Variants in PKHD1 observed in about 807,000 individuals in gnomAD.
PKHD1 encodes the protein fibrocystin.
In PKHD1, 291 loss-of-function variants were observed where a neutral mutation model predicts 412.0. The observed-to-expected ratio is 0.71, with a 90% CI of 0.64 to 0.78. PKHD1 has a LOEUF of 0.78. PKHD1 is among the 30% of genes least tolerant of loss of function. The pLI, the probability that PKHD1 is intolerant of heterozygous loss-of-function variation, is 0.00. For missense variants in PKHD1, 4,825 were observed against 4,950.7 expected (o/e 0.97, Z 0.76); for synonymous variants, 1,777 against 1,821.5 (o/e 0.98, Z 0.62).
intron 24 of PKHD1, 132 bp downstream of exon 24, chr6:52,045,872 A>C (rs1805720551): frequency 4.2e-6 from 3 of 706,466 alleles, no homozygotes; most frequent in Non-Finnish European, 7.4e-6. Flanking sequence ...AGTTCATAGA[A>C]TCCCTTTACT....
chr6:51,737,097 T>G (rs867553475), intron 60 of PKHD1, among the ~76,000 whole-genome samples: 2 of 152,198 alleles, frequency 1.3e-5, no homozygotes, highest in South Asian at 4.1e-4. Flanking sequence ...GTTTATAACT[T>G]TCTTTCTTGA....
chr6:51,974,638 T>C lies in PKHD1; in HGVS notation c.5752-14612A>G, dbSNP rs994699222. ...CAAACATTGTATGTTCTCACTCATA[T>C]GTAGGAGCTAAGCTGTGAGGACTCA... is the stretch of plus-strand genomic sequence containing the variant. On this transcript the variant is annotated intron_variant, in intron 35 of 66. Coordinates refer to ENST00000371117, the MANE Select transcript of PKHD1 (RefSeq NM_138694.4). Among the ~76,000 whole-genome samples the C allele has an allele frequency of 2.0e-5, 3 of 152,290 alleles. No homozygotes were observed. The East Asian group carries it at 5.8e-4, about 29-fold the overall frequency.
chr6:51,690,601 C>G (rs1161572964), intron 60 of PKHD1, among the ~76,000 whole-genome samples: 1 of 152,148 alleles, frequency 6.6e-6, no homozygotes. Context: ...TCTGGGAGAA[C>G]TGGCTAGCAA....
intron 43 of PKHD1, among the ~76,000 whole-genome samples, chr6:51,898,030 T>C (rs1780442424): frequency 6.7e-6 from 1 of 149,174 alleles, no homozygotes; most frequent in African/African-American, 2.4e-5. Flanking sequence ...CTGAGTGACC[T>C]ACAAAGAGAC....
At position 52,025,319 on chromosome 6, in the gene PKHD1, C is replaced by T. The variant is rs1801986162; in HGVS notation, c.4491G>A (p.Gly1497=). 3.1e-6 allele frequency: 5 copies of T among 1,613,936 alleles called. No homozygotes were observed. The highest frequency in any genetic ancestry group is 4.2e-6 in the Non-Finnish European group (5 of 1,180,012). The part of the protein sequence containing the change: ...VMDALSTNTS[G]SLTTVLIRGQ... ...CCCTAATCAGCACAGTGGTCAGAGA[C>T]CCACTGGTGTTTGTGGACAAGGCAT... The change falls in exon 32 of 67, where the codon GGG becomes GGA. Residue 1497 remains glycine (G), a synonymous_variant. Transcript: ENST00000371117.
intron 60 of PKHD1, among the ~76,000 whole-genome samples, chr6:51,703,938 A>C (rs1779726759): frequency 6.6e-6 from 1 of 152,040 alleles, no homozygotes; most frequent in South Asian, 2.1e-4. Context: ...CAGACCATTC[A>C]CATTTCTGCT....
intron 60 of PKHD1, among the ~76,000 whole-genome samples, chr6:51,662,238 T>C (rs1337165802): frequency 1.3e-5 from 2 of 151,816 alleles, no homozygotes; most frequent in Non-Finnish European, 2.9e-5. Context: ...CTTAAGAATT[T>C]TGAAAAAAGA....
chr6:51,865,623 A>ATCAG (rs1774944416), intron 48 of PKHD1, among the ~76,000 whole-genome samples: 1 of 152,138 alleles, frequency 6.6e-6, no homozygotes, highest in Non-Finnish European at 1.5e-5. Context: ...CCTCTTACTG[A>ATCAG]GGGAGGGAGT....
chr6:51,692,090 T>C (rs1275980609), intron 60 of PKHD1, among the ~76,000 whole-genome samples: 1 of 152,114 alleles, frequency 6.6e-6, no homozygotes, highest in East Asian at 1.9e-4. Context: ...AACTCCTTTC[T>C]TCATCATTCA....
chr6:51,764,893 A>C (rs1788721098), intron 55 of PKHD1, among the ~76,000 whole-genome samples: 1 of 151,890 alleles, frequency 6.6e-6, no homozygotes, highest in Non-Finnish European at 1.5e-5. Flanking sequence ...CAATATCTAA[A>C]AAGTTAGAAT....
At chr6:51,894,706 G>C (rs1484465805) in intron 43 of PKHD1, among the ~76,000 whole-genome samples, 1 of 152,232 alleles carries the variant, frequency 6.6e-6, no homozygotes, top group East Asian at 1.9e-4. Context: ...AGGAGAGAGA[G>C]TTTAGGCTTT....
intron 35 of PKHD1, among the ~76,000 whole-genome samples, chr6:51,989,918 AG>A (rs1796726608): frequency 1.9e-5 from 2 of 105,266 alleles, no homozygotes; most frequent in East Asian, 2.9e-4. Context: ...GAAGGAAGGA[AG>A]GAAGGAAGGA....
chr6:51,782,985 T>C (rs541639410), intron 53 of PKHD1, among the ~76,000 whole-genome samples: 1 of 152,296 alleles, frequency 6.6e-6, no homozygotes, highest in African/African-American at 2.4e-5. Flanking sequence ...ATGGAAGCAA[T>C]GAAAGAAACT....
At chr6:51,685,582 C>T (rs553625232) in intron 60 of PKHD1, among the ~76,000 whole-genome samples, 3 of 151,936 alleles carry the variant, frequency 2.0e-5, no homozygotes, top group Non-Finnish European at 4.4e-5. Flanking sequence ...GAGATTGGTC[C>T]CTTTCGTTAT....
intron 52 of PKHD1, among the ~76,000 whole-genome samples, chr6:51,823,181 A>G (rs909503455): frequency 5.9e-5 from 9 of 152,254 alleles, no homozygotes; most frequent in Non-Finnish European, 1.2e-4. Flanking sequence ...CTCTCAGGCT[A>G]CAACAGAAGG....
chr6:51,982,363 A>G (rs1795529120), intron 35 of PKHD1, among the ~76,000 whole-genome samples: 2 of 111,750 alleles, frequency 1.8e-5, no homozygotes, highest in South Asian at 6.8e-4. Context: ...TTTGTGGAAT[A>G]GAAAGGCGGG....
chr6:51,701,786 A>G (rs1396147545), intron 60 of PKHD1, among the ~76,000 whole-genome samples: 1 of 151,984 alleles, frequency 6.6e-6, no homozygotes, highest in Non-Finnish European at 1.5e-5. Flanking sequence ...AGTTTATATT[A>G]GTATTTTATA....
chr6:51,818,065 G>A (rs1765767657), intron 52 of PKHD1, among the ~76,000 whole-genome samples: 1 of 152,128 alleles, frequency 6.6e-6, no homozygotes, highest in South Asian at 2.1e-4. Context: ...TGTAAATAAA[G>A]AGGCAAACAG....
intron 13 of PKHD1, 108 bp downstream of exon 13, chr6:52,064,847 G>T: frequency 2.4e-6 from 1 of 416,694 alleles, no homozygotes; most frequent in Non-Finnish European, 4.2e-6. Context: ...CACTGAGTAA[G>T]CCAGTCAAAT....
Sources: allele counts gnomAD v4.1 joint callset (sites outside exome capture counted in the v4.1 genomes callset), GRCh38; gene constraint gnomAD v4.1.1; transcripts MANE v1.5; gene names NCBI Gene and HGNC (gene_info 2026-07-23, HGNC 2026-07-21).